RCSD1: variants seen among roughly 807,000 people sequenced by gnomAD.
RCSD1 encodes the protein capZ-interacting protein.
In RCSD1, 26 loss-of-function variants were observed where a neutral mutation model predicts 42.5. The ratio of observed to expected loss-of-function variants is 0.61; its 90% CI spans 0.45 to 0.85. RCSD1 has a LOEUF of 0.85. RCSD1 is among the 40% of genes least tolerant of loss of function. RCSD1 has a pLI of 0.00. For missense variants in RCSD1, 571 were observed against 528.3 expected, an observed-to-expected ratio of 1.08 and a Z score of -0.79; for synonymous variants, 220 against 212.2, an observed-to-expected ratio of 1.04 and a Z score of -0.32.
At chr1:167,694,898 T>C (rs1189612143) in intron 5 of RCSD1, among the ~76,000 whole-genome samples, 1 of 152,122 alleles carries the variant, frequency 6.6e-6, no homozygotes, top group Non-Finnish European at 1.5e-5. Flanking sequence ...CTCGCCCTGC[T>C]GGGAGGAGGT....
chr1:167,679,462 A>G (rs900173558), intron 1 of RCSD1, among the ~76,000 whole-genome samples: 4 of 152,220 alleles, frequency 2.6e-5, no homozygotes, highest in African/African-American at 9.6e-5. Flanking sequence ...ATAAAGGAAG[A>G]TTCTAGAGTC....
At chr1:167,654,598 G>A (rs1011124949) in intron 1 of RCSD1, among the ~76,000 whole-genome samples, 3 of 152,092 alleles carry the variant, frequency 2.0e-5, no homozygotes, top group African/African-American at 4.8e-5. Context: ...AGATTGACAG[G>A]GGCCTTATAT....
intron 1 of RCSD1, among the ~76,000 whole-genome samples, chr1:167,637,411 T>C (rs1172908369): frequency 1.3e-5 from 2 of 152,114 alleles, no homozygotes; most frequent in East Asian, 1.9e-4. Context: ...CAAGATAGAA[T>C]CTTGATAAGT....
At position 167,659,638 on chromosome 1, in the gene RCSD1, G is replaced by A. The variant is rs146369144; in HGVS notation, c.7-24262G>A. On this transcript the variant is annotated intron_variant, in intron 1 of 6. Coordinates refer to ENST00000367854, the MANE Select transcript of RCSD1 (RefSeq NM_052862.4). ...TGATCACAGGCTCCCCTTGGACCAC[G>A]TGTCCATTCCCTGGCCAGATCTTAC... is the stretch of plus-strand genomic sequence containing the variant. 8.2e-3 allele frequency among the ~76,000 whole-genome samples: 1,241 copies of A among 152,262 alleles called. 12 individuals are homozygous for A. The highest frequency in any genetic ancestry group is 0.029 in the African/African-American group (1,184 of 41,528).
At chr1:167,640,010 G>C (rs950293692) in intron 1 of RCSD1, among the ~76,000 whole-genome samples, 3 of 152,212 alleles carry the variant, frequency 2.0e-5, no homozygotes, top group African/African-American at 7.2e-5. Context: ...AGAAGAACAA[G>C]GATGATTCCA....
intron 6 of RCSD1, among the ~76,000 whole-genome samples, chr1:167,699,575 C>T (rs1397883607): frequency 6.6e-6 from 1 of 152,166 alleles, no homozygotes; most frequent in Non-Finnish European, 1.5e-5. Context: ...ATAAAGATGT[C>T]AGTCATTAGA....
chr1:167,681,299 C>T (rs894311798), intron 1 of RCSD1, among the ~76,000 whole-genome samples: 1 of 152,166 alleles, frequency 6.6e-6, no homozygotes, highest in African/African-American at 2.4e-5. Flanking sequence ...TGTCACTTGC[C>T]TTCTCTGGGT....
chr1:167,642,664 G>A (rs940321591), intron 1 of RCSD1, among the ~76,000 whole-genome samples: 2 of 152,340 alleles, frequency 1.3e-5, no homozygotes, highest in African/African-American at 4.8e-5. Context: ...TGGCTCTTGG[G>A]AGGTGAACGT....
At chr1:167,636,442 C>T (rs561411373) in intron 1 of RCSD1, among the ~76,000 whole-genome samples, 2 of 152,276 alleles carry the variant, frequency 1.3e-5, no homozygotes, top group Admixed American at 6.5e-5. Context: ...TGTCTCCAGC[C>T]CTTTGTTTTG....
At position 167,705,425 on chromosome 1, in the gene RCSD1, C is replaced by T. The variant is rs1054565001; in HGVS notation, c.*729C>T. The T allele has an allele frequency of 2.6e-5, 4 of 152,158 alleles. No homozygotes were observed. The highest frequency in any genetic ancestry group is 5.9e-5 in the Non-Finnish European group (4 of 68,024). The allele number at this position is 152,158 out of a possible 1,614,324, so 9.4% of individuals were successfully genotyped here. ...TGGGAGGTCGCTGGCTCGGCTCACT[C>T]CCTTCTCCCACCCTTGAGAATGTGG... On this transcript the variant is annotated 3_prime_UTR_variant, in exon 7 of 7. Transcript: ENST00000367854.
chr1:167,690,985 G>A (rs1659361811), intron 4 of RCSD1, among the ~76,000 whole-genome samples: 1 of 152,186 alleles, frequency 6.6e-6, no homozygotes, highest in Non-Finnish European at 1.5e-5. Flanking sequence ...TCACAGTCTT[G>A]TGGAGACAGA....
intron 1 of RCSD1, 74 bp downstream of exon 1, chr1:167,630,503 C>T (rs1657669172): frequency 1.4e-6 from 2 of 1,415,192 alleles, no homozygotes; most frequent in Non-Finnish European, 1.9e-6. Context: ...CGGGCGGCTG[C>T]CCCTGCCCTG....
intron 1 of RCSD1, among the ~76,000 whole-genome samples, chr1:167,648,119 A>G (rs937765318): frequency 6.6e-6 from 1 of 152,146 alleles, no homozygotes; most frequent in Non-Finnish European, 1.5e-5. Context: ...TTCTCTTAAC[A>G]TTATTTCCAG....
chr1:167,646,166 T>C (rs756491047), intron 1 of RCSD1, among the ~76,000 whole-genome samples: 9 of 152,028 alleles, frequency 5.9e-5, no homozygotes, highest in Admixed American at 2.6e-4. Flanking sequence ...ATTTTACTCG[T>C]TGGGGGTGCG....
chr1:167,663,813 G>T (rs762954359), intron 1 of RCSD1: 3 of 152,228 alleles, frequency 2.0e-5, no homozygotes, highest in African/African-American at 7.2e-5. Context: ...TGTGCCAGTT[G>T]GTATCTTAGG....
chr1:167,693,860 G>A (rs1291271651), intron 4 of RCSD1, among the ~76,000 whole-genome samples: 1 of 151,538 alleles, frequency 6.6e-6, no homozygotes, highest in African/African-American at 2.4e-5. Flanking sequence ...CCTCGTCAGT[G>A]CTGGCTGAGC....
intron 1 of RCSD1, among the ~76,000 whole-genome samples, chr1:167,676,471 G>A (rs1375515229): frequency 3.3e-5 from 5 of 152,200 alleles, no homozygotes; most frequent in African/African-American, 1.2e-4. Flanking sequence ...TATATCAGAA[G>A]CAAGACTGAA....
intron 1 of RCSD1, among the ~76,000 whole-genome samples, chr1:167,671,555 C>A (rs1000762456): frequency 1.3e-5 from 2 of 152,184 alleles, no homozygotes. Flanking sequence ...GAAGCTGAAC[C>A]CAGTGAAAAG....
At chr1:167,655,455 G>T (rs1192057765) in intron 1 of RCSD1, among the ~76,000 whole-genome samples, 3 of 152,138 alleles carry the variant, frequency 2.0e-5, no homozygotes, top group African/African-American at 7.2e-5. Flanking sequence ...CTATGGTGTT[G>T]CTGTCAGAAA....
Sources: gnomAD v4.1 joint callset for allele counts (sites outside exome capture counted in the v4.1 genomes callset) on GRCh38, gnomAD v4.1.1 for gene constraint, MANE v1.5 for transcripts, NCBI Gene and HGNC (gene_info 2026-07-23, HGNC 2026-07-21) for gene names.